PRORP: variants seen among roughly 807,000 people sequenced by gnomAD.
PRORP encodes protein only RNase P catalytic subunit.
A neutral mutation model predicts 59.4 loss-of-function variants in PRORP; 51 were observed. That is an observed-to-expected ratio of 0.86 (90% CI 0.69 to 1.08). PRORP has a LOEUF of 1.08. Among genes scored for constraint, PRORP ranks in the 50% least tolerant of loss-of-function variants. The pLI is 0.00. For synonymous variants in PRORP, 231 were observed against 245.6 expected, an observed-to-expected ratio of 0.94 and a Z score of 0.55; for missense variants, 646 against 690.3, an observed-to-expected ratio of 0.94 and a Z score of 0.72.
At chr14:35,217,017 G>GT (rs1333879919) in intron 5 of PRORP, among the ~76,000 whole-genome samples, 1 of 152,080 alleles carries the variant, frequency 6.6e-6, no homozygotes, top group African/African-American at 2.4e-5. Context: ...TTATTGAATT[G>GT]TAAGAGTTCT....
chr14:35,275,680 G>A lies in PRORP; in HGVS notation c.*2114G>A, dbSNP rs1314641142. 1.3e-5 allele frequency: 2 copies of A among 152,196 alleles called. No individual in the cohort carries two copies. Among genetic ancestry groups the A allele is most frequent in the East Asian group, 1.9e-4 (1 of 5,186 alleles). The allele number at this position is 152,196 out of a possible 1,614,324, so 9.4% of individuals were successfully genotyped here. A position where few individuals can be genotyped will look rare whatever the true frequency, so the allele number is the denominator to read the frequency against. ...AGGAGCACATAGAGATAGAGGAGGA[G>A]GCCGAAGTGGTGGCTCATACCTGTT... is the stretch of plus-strand genomic sequence containing the variant. On this transcript the variant is annotated 3_prime_UTR_variant, in exon 8 of 8. Transcript: ENST00000534898.
intron 5 of PRORP, among the ~76,000 whole-genome samples, chr14:35,239,564 C>T (rs2050308409): frequency 6.6e-6 from 1 of 152,154 alleles, no homozygotes; most frequent in African/African-American, 2.4e-5. Context: ...GTATAGTGTT[C>T]ATAAAATTAG....
chr14:35,128,372 A>G (rs1258920215), intron 4 of PRORP, among the ~76,000 whole-genome samples: 1 of 151,770 alleles, frequency 6.6e-6, no homozygotes, highest in African/African-American at 2.4e-5. Flanking sequence ...TGAGTTTGGA[A>G]GTCTTCCCTC....
At chr14:35,225,962 C>T (rs2049923967) in intron 5 of PRORP, among the ~76,000 whole-genome samples, 1 of 152,158 alleles carries the variant, frequency 6.6e-6, no homozygotes, top group Admixed American at 6.5e-5. Flanking sequence ...TCTAGCCTAA[C>T]CAAAGCTGTA....
At chr14:35,238,496 C>T (rs1239140563) in intron 5 of PRORP, among the ~76,000 whole-genome samples, 1 of 151,972 alleles carries the variant, frequency 6.6e-6, no homozygotes, top group East Asian at 1.9e-4. Flanking sequence ...CATTGAAAGA[C>T]CAACCAAAAG....
chr14:35,219,859 T>C (rs2049725705), intron 5 of PRORP, among the ~76,000 whole-genome samples: 1 of 152,194 alleles, frequency 6.6e-6, no homozygotes, highest in African/African-American at 2.4e-5. Context: ...CTCTATTTTT[T>C]GAATTGTTTG....
chr14:35,198,572 G>T (rs2049063087), intron 5 of PRORP, among the ~76,000 whole-genome samples: 1 of 152,118 alleles, frequency 6.6e-6, no homozygotes, highest in South Asian at 2.1e-4. Context: ...TCCACAGCAG[G>T]GCTAGACCTT....
intron 4 of PRORP, among the ~76,000 whole-genome samples, chr14:35,143,203 A>G (rs2138854743): frequency 6.9e-6 from 1 of 145,802 alleles, no homozygotes; most frequent in Admixed American, 7.1e-5. Flanking sequence ...CTCAGGCTGG[A>G]GTGCAGTGGC....
chr14:35,142,799 C>T (rs887432317), intron 4 of PRORP, among the ~76,000 whole-genome samples: 2 of 143,824 alleles, frequency 1.4e-5, no homozygotes, highest in African/African-American at 4.9e-5. Context: ...GCTGAGATCG[C>T]GCCACTGCAT....
At chr14:35,146,513 T>C (rs577988204) in intron 4 of PRORP, among the ~76,000 whole-genome samples, 1 of 152,284 alleles carries the variant, frequency 6.6e-6, no homozygotes, top group African/African-American at 2.4e-5. Context: ...TCCAGAACCT[T>C]CTCTTTTCTC....
At chr14:35,173,055 A>C (rs549179971) in intron 4 of PRORP, among the ~76,000 whole-genome samples, 40 of 152,022 alleles carry the variant, frequency 2.6e-4, no homozygotes, top group African/African-American at 9.6e-4. Flanking sequence ...TTTAGTAGAG[A>C]TGAGGTTTCA....
intron 5 of PRORP, among the ~76,000 whole-genome samples, chr14:35,184,756 T>C (rs1230123123): frequency 1.3e-5 from 2 of 152,114 alleles, no homozygotes; most frequent in East Asian, 1.9e-4. Context: ...TTCCCACTTA[T>C]AAGTGAGAAC....
chr14:35,273,701 A>AT lies in PRORP; in HGVS notation c.*141dup, dbSNP rs1435740277. On this transcript the variant is annotated 3_prime_UTR_variant, in exon 8 of 8. Coordinates refer to ENST00000534898, the MANE Select transcript of PRORP (RefSeq NM_014672.4). The stretch of plus-strand genomic sequence containing the variant: ...GATTCTATTAACAGCATTGACATTG[A>AT]TTTTTTAATGAAATGAGATATATCT... 1.4e-6 allele frequency: 1 copy of AT among 728,614 alleles called. No individual in the cohort carries two copies. Among genetic ancestry groups the AT allele is most frequent in the Non-Finnish European group, 2.0e-6 (1 of 492,880 alleles). 45.1% of individuals were successfully genotyped at this position (728,614 alleles called of 1,614,324 possible).
chr14:35,269,537 A>G (rs1397178831), intron 6 of PRORP, among the ~76,000 whole-genome samples: 3 of 152,230 alleles, frequency 2.0e-5, no homozygotes, highest in Admixed American at 6.5e-5. Context: ...ACTAGAGAGA[A>G]TAATATAGTG....
At position 35,123,386 on chromosome 14, in the gene PRORP, T is replaced by C. The variant is rs1371997230; in HGVS notation, c.141T>C (p.Ser47=). The change falls in exon 2 of 8, where the codon TCT becomes TCC. Residue 47 remains serine (S), a synonymous_variant. Transcript: ENST00000534898. ...TCAGGAACCAGCAGAGGTTGTTTTC[T>C]CTTAAAACAATGTCTCCACAGAATA... ...CGIRNQQRLF[S]LKTMSPQNTK... is the part of the protein sequence containing the mutation. 6.2e-7 allele frequency: 1 copy of C among 1,614,168 alleles called. No individual in the cohort carries two copies. The highest frequency in any genetic ancestry group is 1.1e-5 in the South Asian group (1 of 91,084).
intron 5 of PRORP, among the ~76,000 whole-genome samples, chr14:35,212,882 G>A (rs1372851639): frequency 6.6e-6 from 1 of 152,164 alleles, no homozygotes; most frequent in Non-Finnish European, 1.5e-5. Flanking sequence ...TCTAATAGAA[G>A]GCTTTTTTGT....
chr14:35,137,725 G>C (rs1041894302), intron 4 of PRORP, among the ~76,000 whole-genome samples: 1 of 145,176 alleles, frequency 6.9e-6, no homozygotes, highest in Non-Finnish European at 1.5e-5. Flanking sequence ...AAAGGGTAGC[G>C]TTGGTCCAGA....
intron 5 of PRORP, among the ~76,000 whole-genome samples, chr14:35,264,456 C>T (rs1594357078): frequency 6.6e-6 from 1 of 151,536 alleles, no homozygotes; most frequent in Non-Finnish European, 1.5e-5. Context: ...CGAGGTCTTG[C>T]TATGTTGTCC....
intron 5 of PRORP, among the ~76,000 whole-genome samples, chr14:35,251,240 A>G (rs1220133135): frequency 3.9e-5 from 6 of 152,184 alleles, no homozygotes; most frequent in African/African-American, 1.2e-4. Context: ...TCATATATAT[A>G]TATGCCACAG....
Sources: gnomAD v4.1 joint callset for allele counts (sites outside exome capture counted in the v4.1 genomes callset) on GRCh38, gnomAD v4.1.1 for gene constraint, MANE v1.5 for transcripts, NCBI Gene and HGNC (gene_info 2026-07-23, HGNC 2026-07-21) for gene names.